Variants in NLGN1 observed in about 807,000 individuals in gnomAD.
The protein encoded by NLGN1 is neuroligin-1.
Under a neutral mutation model 65.5 loss-of-function variants are expected in NLGN1, and 12 were observed. The ratio of observed to expected loss-of-function variants is 0.18; its 90% CI spans 0.12 to 0.30. The LOEUF (loss-of-function observed/expected upper bound fraction) is 0.30. Ranked by LOEUF, NLGN1 falls within the 10% of genes least tolerant of loss-of-function variation. The pLI is 1.00. For missense variants in NLGN1, 750 were observed against 1,007.1 expected (o/e 0.74, Z 3.46); for synonymous variants, 350 against 359.5 (o/e 0.97, Z 0.30).
Position 174,279,613 on chromosome 3 carries a change from G to C in NLGN1, c.1612G>C (p.Val538Leu). The change falls in exon 6 of 7, where the codon GTT becomes CTT. Residue 538 changes from valine to leucine, a missense_variant. Physicochemically the swap from Val to Leu is conservative, Grantham distance 32. Transcript: ENST00000457714. This position sits in a 1 kb window ranked among gnomAD's most constrained non-coding sequence, Gnocchi z 4.7. ...CAAAAATGATGTGATGCTGAGTGCA[G>C]TTGTAATGACATACTGGACAAATTT... 1.2e-6 allele frequency: 2 copies of C among 1,612,282 alleles called. No homozygotes were observed. The highest frequency in any genetic ancestry group is 1.7e-6 in the Non-Finnish European group (2 of 1,178,810).
At chr3:173,632,369 A>G (rs1755823534) in intron 3 of NLGN1, among the ~76,000 whole-genome samples, 1 of 152,116 alleles carries the variant, frequency 6.6e-6, no homozygotes, top group Non-Finnish European at 1.5e-5. Context: ...TAGCTGAGAA[A>G]TTTCTAGGAA....
In NLGN1 at chr3:173,954,106, A is replaced by G. The variant is rs565868465; in HGVS notation, c.646+146274A>G. 1.2e-4 allele frequency among the ~76,000 whole-genome samples: 19 copies of G among 152,296 alleles called. No individual in the cohort carries two copies. In the South Asian group the frequency reaches 3.9e-3, roughly 32 times the overall value. On this transcript the variant is annotated intron_variant, in intron 4 of 6. Coordinates refer to ENST00000457714, the Ensembl canonical transcript of NLGN1. The stretch of plus-strand genomic sequence containing the variant: ...AAAATCAGTAAAAATGTAAAATATT[A>G]TCATCAGTCTACTGTAACTTATCGA...
At chr3:173,410,010 G>A (rs1356575212) in intron 1 of NLGN1, among the ~76,000 whole-genome samples, 1 of 152,040 alleles carries the variant, frequency 6.6e-6, no homozygotes, top group Non-Finnish European at 1.5e-5. Flanking sequence ...GCAAGATAAG[G>A]GGGAAAACAA....
chr3:173,439,696 G>A (rs1718807160), intron 2 of NLGN1, among the ~76,000 whole-genome samples: 1 of 151,934 alleles, frequency 6.6e-6, no homozygotes, highest in South Asian at 2.1e-4. Flanking sequence ...AATTAAGCAT[G>A]CAATACCACT....
intron 4 of NLGN1, among the ~76,000 whole-genome samples, chr3:173,808,865 T>G (rs1717259057): frequency 6.6e-6 from 1 of 152,192 alleles, no homozygotes; most frequent in African/African-American, 2.4e-5. Flanking sequence ...GTATCATATC[T>G]TTTATCCACG....
intron 2 of NLGN1, among the ~76,000 whole-genome samples, chr3:173,479,022 G>T (rs1192456623): frequency 6.6e-6 from 1 of 152,162 alleles, no homozygotes; most frequent in African/African-American, 2.4e-5. Flanking sequence ...TAGAGGAAAT[G>T]AGTATAGACT....
chr3:173,793,106 T>G (rs1713174813), intron 3 of NLGN1, among the ~76,000 whole-genome samples: 1 of 152,112 alleles, frequency 6.6e-6, no homozygotes, highest in African/African-American at 2.4e-5. Context: ...TGATTAAATC[T>G]TTTTTCTCTT....
chr3:173,497,355 T>C (rs1449731543), intron 2 of NLGN1, among the ~76,000 whole-genome samples: 1 of 150,830 alleles, frequency 6.6e-6, no homozygotes, highest in Non-Finnish European at 1.5e-5. Flanking sequence ...GCCACTGCAC[T>C]CCAGCCTGGG....
At chr3:173,542,257 CTTTT>C (rs1027919575) in intron 2 of NLGN1, among the ~76,000 whole-genome samples, 6 of 151,946 alleles carry the variant, frequency 3.9e-5, no homozygotes, top group African/African-American at 1.4e-4. Flanking sequence ...GTTGAATCCT[CTTTT>C]TGTTTTATGT....
intron 4 of NLGN1, among the ~76,000 whole-genome samples, chr3:174,255,299 G>T (rs979160699): frequency 6.6e-6 from 1 of 151,948 alleles, no homozygotes; most frequent in Admixed American, 6.6e-5. Context: ...GCCGGGCGTG[G>T]TGGCGGGCAC....
intron 4 of NLGN1, among the ~76,000 whole-genome samples, chr3:174,138,049 T>C (rs992788902): frequency 1.3e-5 from 2 of 152,186 alleles, no homozygotes; most frequent in Non-Finnish European, 1.5e-5. Flanking sequence ...AGCAATTCTG[T>C]TTGTTATTCT....
chr3:174,276,303 C>T (rs1750557987), intron 5 of NLGN1, among the ~76,000 whole-genome samples: 1 of 151,858 alleles, frequency 6.6e-6, no homozygotes, highest in Non-Finnish European at 1.5e-5. Context: ...ACTCCATCTC[C>T]ATTTTACCAT....
At chr3:173,494,362 AGTT>A (rs1338931607) in intron 2 of NLGN1, among the ~76,000 whole-genome samples, 4 of 148,500 alleles carry the variant, frequency 2.7e-5, no homozygotes, top group Non-Finnish European at 6.0e-5. Context: ...TCTTTTTTTC[AGTT>A]GTTCTGCCCA....
intron 4 of NLGN1, among the ~76,000 whole-genome samples, chr3:174,061,250 G>A (rs76942752): frequency 0.024 from 3,718 of 152,126 alleles, 141 homozygotes; most frequent in African/African-American, 0.081. Context: ...AGAAGTTGAG[G>A]GATTCATTAT....
intron 1 of NLGN1, among the ~76,000 whole-genome samples, chr3:173,415,305 T>C (rs2148665985): frequency 6.6e-6 from 1 of 152,310 alleles, no homozygotes. Flanking sequence ...GCTATTTAAA[T>C]CTGAGATGGC....
intron 3 of NLGN1, among the ~76,000 whole-genome samples, chr3:173,682,489 T>G (rs1461832116): frequency 1.4e-5 from 2 of 144,976 alleles, no homozygotes; most frequent in Non-Finnish European, 3.0e-5. Context: ...CTCAGGAGGC[T>G]GAGGCAGGAG....
At chr3:173,811,504 T>A (rs372980884) in intron 4 of NLGN1, among the ~76,000 whole-genome samples, 1 of 149,796 alleles carries the variant, frequency 6.7e-6, no homozygotes, top group African/African-American at 2.5e-5. Context: ...GAGGCAGAGG[T>A]TGCAGTGAGC....
chr3:174,188,204 T>TA (rs1295914515), intron 4 of NLGN1, among the ~76,000 whole-genome samples: 1 of 152,050 alleles, frequency 6.6e-6, no homozygotes, highest in Admixed American at 6.6e-5. Context: ...TAACACTTTA[T>TA]ACCCTTCTAA....
chr3:174,161,249 GA>G (rs137915776), intron 4 of NLGN1, among the ~76,000 whole-genome samples: 40 of 148,620 alleles, frequency 2.7e-4, no homozygotes, highest in Admixed American at 1.4e-3. Context: ...TGCAATGACA[GA>G]AAAAAAAAAT....
Sources: gnomAD v4.1 joint callset for allele counts (sites outside exome capture counted in the v4.1 genomes callset) on GRCh38, gnomAD v4.1.1 for gene constraint, Gnocchi (gnomAD v3.1) non-coding constraint, MANE v1.5 for transcripts, NCBI Gene and HGNC (gene_info 2026-07-23, HGNC 2026-07-21) for gene names.